Variants in SEC14L1 observed in about 807,000 individuals in gnomAD.
The protein encoded by SEC14L1 is SEC14-like protein 1.
Under a neutral mutation model 85.3 loss-of-function variants are expected in SEC14L1, and 48 were observed. The ratio of observed to expected loss-of-function variants is 0.56; its 90% CI spans 0.45 to 0.72. SEC14L1 has a LOEUF of 0.72. Ranked by LOEUF, SEC14L1 falls within the 30% of genes least tolerant of loss-of-function variation. The pLI is 0.00. For synonymous variants in SEC14L1, 391 were observed against 355.5 expected (o/e 1.10, Z -1.12); for missense variants, 682 against 921.4 (o/e 0.74, Z 3.36).
At chr17:77,187,618 T>G (rs1440243263) in intron 3 of SEC14L1, among the ~76,000 whole-genome samples, 1 of 152,166 alleles carries the variant, frequency 6.6e-6, no homozygotes, top group Non-Finnish European at 1.5e-5. Context: ...CATCAAATGA[T>G]CTGCCTGCCT....
chr17:77,171,295 G>A (rs1974511920), intron 3 of SEC14L1, among the ~76,000 whole-genome samples: 1 of 152,052 alleles, frequency 6.6e-6, no homozygotes, highest in African/African-American at 2.4e-5. Flanking sequence ...CTCTCATCTG[G>A]TAATATTCGT....
At chr17:77,193,008 A>G (rs1426116632) in intron 5 of SEC14L1, among the ~76,000 whole-genome samples, 1 of 152,046 alleles carries the variant, frequency 6.6e-6, no homozygotes, top group Non-Finnish European at 1.5e-5. Flanking sequence ...TCTTTTTTCC[A>G]TAGCACTTAC....
chr17:77,120,056 A>G (rs2143397396), intron 3 of SEC14L1, among the ~76,000 whole-genome samples: 1 of 152,216 alleles, frequency 6.6e-6, no homozygotes, highest in East Asian at 1.9e-4. Flanking sequence ...TGGAGATTAG[A>G]CTGACAAACA....
intron 2 of SEC14L1, among the ~76,000 whole-genome samples, chr17:77,091,808 T>G (rs1053662010): frequency 1.3e-5 from 2 of 152,014 alleles, no homozygotes; most frequent in African/African-American, 4.8e-5. Context: ...AATAACAGTT[T>G]ATGAAATTTT....
At chr17:77,175,966 C>G (rs931242002) in intron 3 of SEC14L1, among the ~76,000 whole-genome samples, 1 of 152,064 alleles carries the variant, frequency 6.6e-6, no homozygotes, top group Non-Finnish European at 1.5e-5. Flanking sequence ...AGTGAAGACA[C>G]CACTCAAAGG....
chr17:77,093,641 G>A (rs187386993), intron 3 of SEC14L1: 14 of 152,322 alleles, frequency 9.2e-5, no homozygotes, highest in African/African-American at 3.4e-4. Context: ...GTCCACGTGG[G>A]GTTTCTGATC....
chr17:77,166,667 C>G (rs1974295691), intron 3 of SEC14L1, among the ~76,000 whole-genome samples: 1 of 152,018 alleles, frequency 6.6e-6, no homozygotes, highest in Non-Finnish European at 1.5e-5. Context: ...TGGTAAACAC[C>G]TGTCTCTACT....
intron 3 of SEC14L1, among the ~76,000 whole-genome samples, chr17:77,116,349 A>G (rs58264147): frequency 0.16 from 23,892 of 152,110 alleles, 2,799 homozygotes; most frequent in African/African-American, 0.33. Context: ...AACTATAATA[A>G]TGATGTGAGT....
At chr17:77,090,259 T>C (rs867758957) in intron 2 of SEC14L1, among the ~76,000 whole-genome samples, 5 of 147,844 alleles carry the variant, frequency 3.4e-5, no homozygotes, top group Non-Finnish European at 7.4e-5. Context: ...GCCACTATAC[T>C]GCAGCCTGGG....
intron 3 of SEC14L1, among the ~76,000 whole-genome samples, chr17:77,177,992 AGTTCTT>A (rs1974835910): frequency 2.0e-5 from 3 of 151,062 alleles, no homozygotes; most frequent in Admixed American, 1.3e-4. Context: ...GTAATGCCCT[AGTTCTT>A]TGCTAAGATT....
At chr17:77,191,547 T>C (rs766626165) in intron 5 of SEC14L1, among the ~76,000 whole-genome samples, 11 of 152,130 alleles carry the variant, frequency 7.2e-5, no homozygotes, top group Non-Finnish European at 1.0e-4. Flanking sequence ...GGTTTTGTTT[T>C]TTTTTTCTTT....
At chr17:77,170,651 G>A (rs775951326) in intron 3 of SEC14L1, among the ~76,000 whole-genome samples, 7 of 152,230 alleles carry the variant, frequency 4.6e-5, no homozygotes, top group African/African-American at 9.6e-5. Context: ...CTTTTGCGGG[G>A]CTGTTTGGAC....
At position 77,214,029 on chromosome 17, in the gene SEC14L1, C is replaced by T. The variant is rs770806888; in HGVS notation, c.*6C>T. ...GCTCCATGATCTCCAGGTAGTGCCG[C>T]GCTGCCTGCACCTAGTGTGCAGAGG... On this transcript the variant is annotated 3_prime_UTR_variant, in exon 17 of 17. Transcript: ENST00000436233. 3.2e-5 allele frequency: 51 copies of T among 1,611,366 alleles called. No homozygotes were observed. Among genetic ancestry groups the T allele is most frequent in the East Asian group, 1.3e-4 (6 of 44,876 alleles).
At chr17:77,153,762 C>T (rs1316319783) in intron 3 of SEC14L1, among the ~76,000 whole-genome samples, 1 of 152,092 alleles carries the variant, frequency 6.6e-6, no homozygotes, top group East Asian at 1.9e-4. Context: ...TTTATTAGAG[C>T]TCTGGATAGG....
intron 3 of SEC14L1, among the ~76,000 whole-genome samples, chr17:77,111,363 A>G (rs12942327): frequency 0.27 from 41,399 of 151,670 alleles, 6,374 homozygotes; most frequent in Non-Finnish European, 0.35. Flanking sequence ...AGGTTAAGAT[A>G]AAAGATTGTG....
intron 3 of SEC14L1, among the ~76,000 whole-genome samples, chr17:77,126,138 G>C (rs1301176007): frequency 6.6e-6 from 1 of 152,240 alleles, no homozygotes; most frequent in Non-Finnish European, 1.5e-5. Context: ...GTGACAGAGC[G>C]AGACTCCGTC....
At chr17:77,105,588 G>C (rs1971896888) in intron 3 of SEC14L1, among the ~76,000 whole-genome samples, 1 of 152,092 alleles carries the variant, frequency 6.6e-6, no homozygotes, top group African/African-American at 2.4e-5. Context: ...CTGTGTCAGG[G>C]AGGAAAAACT....
chr17:77,211,760 T>C, intron 14 of SEC14L1, 190 bp from the exon 15 acceptor site: 1 of 692,670 alleles, frequency 1.4e-6, no homozygotes, highest in Non-Finnish European at 2.4e-6. Flanking sequence ...GCATGACATG[T>C]AGCAGGATCC....
chr17:77,182,269 TA>T (rs1305242874), intron 3 of SEC14L1, among the ~76,000 whole-genome samples: 1 of 152,204 alleles, frequency 6.6e-6, no homozygotes, highest in Non-Finnish European at 1.5e-5. Flanking sequence ...GTCACAAAAA[TA>T]TGGCTTTCTT....
Sources: allele counts gnomAD v4.1 joint callset (sites outside exome capture counted in the v4.1 genomes callset), GRCh38; gene constraint gnomAD v4.1.1; transcripts MANE v1.5; gene names NCBI Gene and HGNC (gene_info 2026-07-23, HGNC 2026-07-21).